Variants in SPEG observed in about 807,000 individuals in gnomAD.
SPEG encodes striated muscle preferentially expressed protein kinase.
Under a neutral mutation model 300.4 loss-of-function variants are expected in SPEG, and 114 were observed. The ratio of observed to expected loss-of-function variants is 0.38; its 90% CI spans 0.33 to 0.44. The LOEUF is 0.44. Among genes scored for constraint, SPEG ranks in the 20% least tolerant of loss-of-function variants. The pLI, the probability that SPEG is intolerant of heterozygous loss-of-function variation, is 1.00. For missense variants in SPEG, 4,201 were observed against 4,586.2 expected (o/e 0.92, Z 2.43); for synonymous variants, 1,964 against 2,018.9 (o/e 0.97, Z 0.73).
intron 31 of SPEG, 115 bp from the exon 32 acceptor site, chr2:219,488,079 G>C (rs1693608362): frequency 1.4e-6 from 1 of 696,412 alleles, no homozygotes. Flanking sequence ...CCTGGGAAGA[G>C]ACAAAGTTTC....
rs753331207 is a variant in SPEG at position 219,464,547 on chromosome 2, C to T, written c.2820C>T (p.Tyr940=). The T allele has an allele frequency of 1.9e-5, 31 of 1,614,268 alleles. No homozygotes were observed. Among genetic ancestry groups the T allele is most frequent in the Non-Finnish European group, 2.6e-5 (31 of 1,180,038 alleles). ...LAAERGDAGF[Y]TCKAVNEYGA... ...CAGAGCGTGGCGATGCTGGTTTCTA[C>T]ACTTGCAAAGCGGTCAATGAGTATG... The change falls in exon 9 of 41, where the codon TAC becomes TAT. Residue 940 remains tyrosine, a synonymous_variant. Coordinates refer to ENST00000312358, the MANE Select transcript of SPEG (RefSeq NM_005876.5). The surrounding 1 kb of genome is among the most constrained non-coding windows in gnomAD (Gnocchi z 4.5).
Position 219,435,088 on chromosome 2 carries a change from G to A in SPEG, c.111G>A (p.Val37=), listed in dbSNP as rs1458191238. 6.8e-7 allele frequency: 1 copy of A among 1,463,208 alleles called. No individual in the cohort carries two copies. Among genetic ancestry groups the A allele is most frequent in the Admixed American group, 2.6e-5 (1 of 39,074 alleles). 90.6% of individuals were successfully genotyped at this position (1,463,208 alleles called of 1,614,324 possible). Residue 37 remains valine (V), a synonymous_variant, in exon 1 of 41, where the codon GTG becomes GTA. Coordinates refer to ENST00000312358, the MANE Select transcript of SPEG (RefSeq NM_005876.5). ...AKVGAGGGAP[V]AVAGAPVFLR... ...TGGGGGCCGGCGGCGGGGCTCCTGT[G>A]GCCGTGGCCGGGGCGCCAGTCTTCC... is the stretch of plus-strand genomic sequence containing the variant.
At chr2:219,454,950 C>T (rs1455970432) in intron 6 of SPEG, among the ~76,000 whole-genome samples, 1 of 152,152 alleles carries the variant, frequency 6.6e-6, no homozygotes, top group Non-Finnish European at 1.5e-5. Flanking sequence ...AAAAATTAGC[C>T]AGGCGTGGTG....
Position 219,459,379 on chromosome 2 carries a change from G to A in SPEG, c.2441-2503G>A, listed in dbSNP as rs1186744875. ...ATGTGGCCAGGGAAAAAACTAGGTG[G>A]CACCGGATTCTGGTATGGAGCCTCA... On this transcript the variant is annotated intron_variant, in intron 6 of 40. Transcript: ENST00000312358. This position sits in a 1 kb window ranked among gnomAD's most constrained non-coding sequence, Gnocchi z 4.9. 6.6e-6 allele frequency among the ~76,000 whole-genome samples: 1 copy of A among 152,208 alleles called. No individual in the cohort carries two copies. Among genetic ancestry groups the A allele is most frequent in the African/African-American group, 2.4e-5 (1 of 41,448 alleles).
chr2:219,484,692 C>G lies in SPEG; in HGVS notation c.7229C>G (p.Ser2410Trp), dbSNP rs1463296995. ...VGEPGLVRRL[S>W]LSLSQRLRRT... ...GAGCCTGGCCTCGTCCGCCGCCTCT[C>G]GCTGTCACTGTCCCAGCGGCTGCGG... Residue 2410 changes from serine to tryptophan, a missense_variant, in exon 30 of 41, where the codon TCG becomes TGG. By Grantham distance (177) the Ser-to-Trp change is radical. This residue lies in a region of SPEG where 1,578 missense variants were observed against 1,506.0 expected (regional missense o/e 1.05). Transcript: ENST00000312358. The G allele has an allele frequency of 1.1e-5, 16 of 1,517,212 alleles. No homozygotes were observed. Among genetic ancestry groups the G allele is most frequent in the Non-Finnish European group, 1.4e-5 (16 of 1,141,206 alleles). The allele number at this position is 1,517,212 out of a possible 1,614,324, so 94.0% of individuals were successfully genotyped here.
At chr2:219,441,656 AC>A (rs1688922769) in intron 1 of SPEG, 1 of 456,396 alleles carries the variant, frequency 2.2e-6, no homozygotes, top group Non-Finnish European at 4.5e-6. Context: ...AGGCCATTGC[AC>A]CCCTTTCTGT....
chr2:219,485,216 G>C (rs866784335), intron 30 of SPEG, 130 bp from the exon 31 acceptor site: 1 of 1,484,772 alleles, frequency 6.7e-7, no homozygotes, highest in Middle Eastern at 2.0e-4. Flanking sequence ...CTGGAGGGGA[G>C]GAAAGCAGGA....
intron 13 of SPEG, among the ~76,000 whole-genome samples, chr2:219,470,475 G>A (rs1691774794): frequency 6.6e-6 from 1 of 152,150 alleles, no homozygotes; most frequent in Non-Finnish European, 1.5e-5. Context: ...CCCTGGGTGA[G>A]TGTCTGTCTC....
Position 219,489,370 on chromosome 2 carries a change from G to A in SPEG, c.8352G>A (p.Glu2784=). ...SSAVPSAAHQ[E]APVTSRPARA... ...CTGTGCCATCTGCTGCCCACCAAGA[G>A]GCCCCTGTCACCTCAAGGCCAGCCA... The change falls in exon 36 of 41, where the codon GAG becomes GAA. Residue 2784 remains glutamate (E), a synonymous_variant. Coordinates refer to ENST00000312358, the MANE Select transcript of SPEG (RefSeq NM_005876.5). 4 of 1,613,452 alleles carry A rather than the reference G, an allele frequency of 2.5e-6. No individual in the cohort carries two copies. Among genetic ancestry groups the A allele is most frequent in the Non-Finnish European group, 3.4e-6 (4 of 1,179,812 alleles).
In SPEG at chr2:219,451,363, C is replaced by T; in HGVS notation, c.2257+84C>T. On this transcript the variant is annotated intron_variant, in intron 5 of 40. Transcript: ENST00000312358. This position sits in a 1 kb window ranked among gnomAD's most constrained non-coding sequence, Gnocchi z 6.4. ...GAAGGGGAGGTTCCCCCGGACTCCT[C>T]CAAGGGAGGGGTGGGAAAGAGGGGA... 6.7e-7 allele frequency: 1 copy of T among 1,489,948 alleles called. No individual in the cohort carries two copies. Among genetic ancestry groups the T allele is most frequent in the Non-Finnish European group, 8.9e-7 (1 of 1,117,582 alleles). The allele number at this position is 1,489,948 out of a possible 1,614,324, so 92.3% of individuals were successfully genotyped here.
At position 219,479,976 on chromosome 2, in the gene SPEG, G is replaced by A; in HGVS notation, c.5178G>A (p.Leu1726=). The change falls in exon 25 of 41, where the codon CTG becomes CTA. Residue 1726 remains leucine, a synonymous_variant. Coordinates refer to ENST00000312358, the MANE Select transcript of SPEG (RefSeq NM_005876.5). This position sits in a 1 kb window ranked among gnomAD's most constrained non-coding sequence, Gnocchi z 5.5. ...LHLDVKPENL[L]VWDGAAGEQQ... is the part of the protein sequence containing the mutation. Reference sequence around the variant, plus strand: ...GTGTCTTCCAGCCTGAGAACCTGCTGGTGTGGGATGGTGCTGCGGGCGAGC... The same window carrying A: ...GTGTCTTCCAGCCTGAGAACCTGCTAGTGTGGGATGGTGCTGCGGGCGAGC... 1 of 1,614,202 alleles carries A rather than the reference G, an allele frequency of 6.2e-7. No individual in the cohort carries two copies. Among genetic ancestry groups the A allele is most frequent in the Non-Finnish European group, 8.5e-7 (1 of 1,180,026 alleles).
In SPEG at chr2:219,480,111, G is replaced by A; in HGVS notation, c.5313G>A (p.Gln1771=). ...PEFVAPEIVN[Q]SPVSGVTDIW... ...TTGTAGCACCCGAGATTGTCAATCA[G>A]AGCCCCGTGTCTGGAGTCACTGACA... Residue 1771 remains glutamine, a synonymous_variant, in exon 25 of 41, where the codon CAG becomes CAA. Transcript: ENST00000312358. This position sits in a 1 kb window ranked among gnomAD's most constrained non-coding sequence, Gnocchi z 5.3. The A allele has an allele frequency of 6.2e-7, 1 of 1,613,940 alleles. No individual in the cohort carries two copies. Among genetic ancestry groups the A allele is most frequent in the Non-Finnish European group, 8.5e-7 (1 of 1,180,020 alleles).
chr2:219,441,503 G>A (rs1688913072), intron 1 of SPEG: 1 of 469,510 alleles, frequency 2.1e-6, no homozygotes, highest in Non-Finnish European at 4.4e-6. Context: ...CGGCGAGTTC[G>A]GTTCTGCCTG....
rs767354010 is a variant in SPEG, at chr2:219,467,166, C to T, written c.2882-8C>T. On this transcript the variant is annotated splice_region_variant and splice_polypyrimidine_tract_variant and intron_variant, in intron 9 of 40. Transcript: ENST00000312358. ...TGTGCGTGGCCCCCGTGGCTGCTTT[C>T]CCCTCAGCACACCCTGAAAGCCGGT... is the stretch of plus-strand genomic sequence containing the variant. 1 of 1,565,024 alleles carries T rather than the reference C, an allele frequency of 6.4e-7. No individual in the cohort carries two copies. The highest frequency in any genetic ancestry group is 8.6e-7 in the Non-Finnish European group (1 of 1,157,002).
In SPEG at chr2:219,483,770, C is replaced by G; in HGVS notation, c.6307C>G (p.Arg2103Gly). 6.4e-7 allele frequency: 1 copy of G among 1,551,534 alleles called. No individual in the cohort carries two copies. The highest frequency in any genetic ancestry group is 2.4e-5 in the East Asian group (1 of 42,048). ...ESLGGRARDP[R>G]MARAASSEAA... ...CCTGGGGGGCCGTGCTCGGGACCCC[C>G]GGATGGCACGAGCTGCCTCCAGCGA... Residue 2103 changes from arginine to glycine, a missense_variant, in exon 30 of 41, where the codon CGG becomes GGG. Arg to Gly is a moderately radical substitution (Grantham distance 125, BLOSUM62 -2). Coordinates refer to ENST00000312358, the MANE Select transcript of SPEG (RefSeq NM_005876.5).
intron 6 of SPEG, among the ~76,000 whole-genome samples, chr2:219,452,278 C>T (rs1689824356): frequency 6.6e-6 from 1 of 152,214 alleles, no homozygotes; most frequent in Non-Finnish European, 1.5e-5. Flanking sequence ...TTCCCCCCTA[C>T]TTTTCTTGAA....
intron 6 of SPEG, among the ~76,000 whole-genome samples, chr2:219,454,123 C>A (rs899274752): frequency 1.3e-5 from 2 of 152,202 alleles, no homozygotes; most frequent in Admixed American, 6.5e-5. Flanking sequence ...GGCTGGCTGC[C>A]CAGTTCCCTC....
At position 219,477,202 on chromosome 2, in the gene SPEG, A is replaced by C; in HGVS notation, c.4561-75A>C. 4.5e-6 allele frequency: 1 copy of C among 220,830 alleles called. No homozygotes were observed. Among genetic ancestry groups the C allele is most frequent in the Non-Finnish European group, 8.9e-6 (1 of 111,858 alleles). 13.7% of individuals were successfully genotyped at this position (220,830 alleles called of 1,614,324 possible). A position where few individuals can be genotyped will look rare whatever the true frequency, so the allele number is the denominator to read the frequency against. On this transcript the variant is annotated intron_variant, in intron 19 of 40. Transcript: ENST00000312358. The surrounding 1 kb of genome is among the most constrained non-coding windows in gnomAD (Gnocchi z 6.4). ...TCCTGGTGAGAGATGCGCTGCCCAG[A>C]GTAGGAGATGAGGCCCTGGCCCCAA...
Position 219,477,112 on chromosome 2 carries a change from A to G in SPEG, c.4560+130A>G, listed in dbSNP as rs1692418969. ...TGGTTAGGAGGAGGAAAGGGGCTGC[A>G]GAGGACTGACTAGCTGAGGGGTGCA... is the stretch of plus-strand genomic sequence containing the variant. On this transcript the variant is annotated intron_variant, in intron 19 of 40. Transcript: ENST00000312358. This position sits in a 1 kb window ranked among gnomAD's most constrained non-coding sequence, Gnocchi z 6.4. The G allele has an allele frequency of 9.9e-7, 1 of 1,012,794 alleles. No homozygotes were observed. 62.7% of individuals were successfully genotyped at this position (1,012,794 alleles called of 1,614,324 possible).
Sources: allele counts gnomAD v4.1 joint callset (sites outside exome capture counted in the v4.1 genomes callset), GRCh38; gene constraint gnomAD v4.1.1; regional missense constraint gnomAD v4.1.1; non-coding constraint Gnocchi (gnomAD v3.1); transcripts MANE v1.5; gene names NCBI Gene and HGNC (gene_info 2026-07-23, HGNC 2026-07-21).